Variants in SUGCT observed in about 807,000 individuals in gnomAD.
The protein encoded by SUGCT is succinyl-CoA:glutarate-CoA transferase.
Under a neutral mutation model 55.0 loss-of-function variants are expected in SUGCT, and 41 were observed. That is an observed-to-expected ratio of 0.74 (90% confidence interval 0.58 to 0.97). SUGCT has a LOEUF of 0.97. Among genes scored for constraint, SUGCT ranks in the 50% least tolerant of loss-of-function variants. The pLI, the probability that SUGCT is intolerant of heterozygous loss-of-function variation, is 0.00. For synonymous variants in SUGCT, 187 were observed against 200.4 expected, an observed-to-expected ratio of 0.93 and a Z score of 0.56; for missense variants, 568 against 547.8, an observed-to-expected ratio of 1.04 and a Z score of -0.37.
At chr7:40,898,178 C>G in the SUGCT span, among the ~76,000 whole-genome samples, 1 of 152,118 alleles carries the variant, frequency 6.6e-6, no homozygotes, top group African/African-American at 2.4e-5. Context: ...GTCGGGAGGA[C>G]TGAACAACTC....
chr7:40,698,531 C>A (rs1456203482), intron 12 of SUGCT, among the ~76,000 whole-genome samples: 1 of 152,050 alleles, frequency 6.6e-6, no homozygotes, highest in Non-Finnish European at 1.5e-5. Flanking sequence ...CGACCACACC[C>A]TGTCATTTGC....
the SUGCT span, among the ~76,000 whole-genome samples, chr7:40,993,934 A>C: frequency 1.3e-5 from 2 of 152,218 alleles, no homozygotes; most frequent in Non-Finnish European, 2.9e-5. Flanking sequence ...ATAAAACACT[A>C]TTCAACTGTA....
intron 12 of SUGCT, among the ~76,000 whole-genome samples, chr7:40,589,672 G>T (rs1797606543): frequency 6.6e-6 from 1 of 152,156 alleles, no homozygotes; most frequent in Non-Finnish European, 1.5e-5. Flanking sequence ...TATATAGGGA[G>T]AGCAAAAGTA....
the SUGCT span, among the ~76,000 whole-genome samples, chr7:40,952,857 C>T: frequency 6.6e-6 from 1 of 152,272 alleles, no homozygotes; most frequent in South Asian, 2.1e-4. Context: ...TGTGGGTAAC[C>T]CAACCTTTCT....
In SUGCT at chr7:40,284,862, G is replaced by A. The variant is rs201834314; in HGVS notation, c.720+10206G>A. Among the ~76,000 whole-genome samples the A allele has an allele frequency of 2.6e-5, 4 of 152,150 alleles. No individual in the cohort carries two copies. In the East Asian group the frequency reaches 7.7e-4, roughly 29 times the overall value. Reference sequence around the variant, plus strand: ...CCAAAGAAGTAATGCTATTGGTTAGGTTAAATGCAAATTGACTTCAATACA... The same window carrying A: ...CCAAAGAAGTAATGCTATTGGTTAGATTAAATGCAAATTGACTTCAATACA... On this transcript the variant is annotated intron_variant, in intron 8 of 13. Coordinates refer to ENST00000335693, the MANE Select transcript of SUGCT (RefSeq NM_001193313.2).
In SUGCT at chr7:40,512,783, A is replaced by T. The variant is rs1241618941; in HGVS notation, c.1089+16397A>T. ...TGAAACTGCTGGGGAAATATGAGAA[A>T]CTCAGGTTGTATGCATGGCCAGAGG... On this transcript the variant is annotated intron_variant, in intron 12 of 13. Coordinates refer to ENST00000335693, the MANE Select transcript of SUGCT (RefSeq NM_001193313.2). Among the ~76,000 whole-genome samples, 9 of 151,980 alleles carry T rather than the reference A, an allele frequency of 5.9e-5. 1 individual carries two copies. The highest frequency in any genetic ancestry group is 5.2e-4 in the Admixed American group (8 of 15,258).
chr7:40,853,564 C>T (rs905584488), intron 13 of SUGCT, among the ~76,000 whole-genome samples: 1 of 152,062 alleles, frequency 6.6e-6, no homozygotes, highest in Non-Finnish European at 1.5e-5. Context: ...AGGATTTTAC[C>T]ATGTCGCCCA....
intron 11 of SUGCT, among the ~76,000 whole-genome samples, chr7:40,489,892 G>A (rs1791589668): frequency 6.6e-6 from 1 of 152,170 alleles, no homozygotes. Context: ...TGATGCCTGT[G>A]AATTGAAGGA....
chr7:40,893,984 C>T, the SUGCT span, among the ~76,000 whole-genome samples: 3 of 150,574 alleles, frequency 2.0e-5, no homozygotes, highest in African/African-American at 7.3e-5. Context: ...TCACTTATAC[C>T]TGGGAGGCAG....
At chr7:40,697,451 G>A (rs551773162) in intron 12 of SUGCT, among the ~76,000 whole-genome samples, 60 of 152,070 alleles carry the variant, frequency 3.9e-4, no homozygotes, top group African/African-American at 1.3e-3. Flanking sequence ...CCTGGCCAAC[G>A]TGGTGAAACC....
chr7:41,022,733 A>G, the SUGCT span, among the ~76,000 whole-genome samples: 1 of 152,216 alleles, frequency 6.6e-6, no homozygotes, highest in African/African-American at 2.4e-5. Flanking sequence ...ACTGTGCTAA[A>G]TATGCATTAT....
At chr7:40,565,338 G>T (rs1315019159) in intron 12 of SUGCT, among the ~76,000 whole-genome samples, 1 of 152,174 alleles carries the variant, frequency 6.6e-6, no homozygotes, top group Non-Finnish European at 1.5e-5. Flanking sequence ...ACTTGAAGTG[G>T]CTAAATTATT....
intron 9 of SUGCT, among the ~76,000 whole-genome samples, chr7:40,420,600 A>C (rs1395349349): frequency 6.6e-6 from 1 of 152,022 alleles, no homozygotes; most frequent in Non-Finnish European, 1.5e-5. Flanking sequence ...CGGCCTCCCA[A>C]AGTGCTGGGA....
the SUGCT span, among the ~76,000 whole-genome samples, chr7:40,946,818 A>G: frequency 5.3e-5 from 8 of 152,214 alleles, no homozygotes; most frequent in Middle Eastern, 3.4e-3. Flanking sequence ...AGCAATTAAT[A>G]CTATTGATTA....
intron 9 of SUGCT, among the ~76,000 whole-genome samples, chr7:40,344,774 T>G (rs749571913): frequency 3.3e-5 from 5 of 152,216 alleles, no homozygotes; most frequent in Non-Finnish European, 5.9e-5. Context: ...GAATTCTACT[T>G]TTATGATTTT....
chr7:40,209,732 G>T (rs1361244246), intron 6 of SUGCT, among the ~76,000 whole-genome samples: 1 of 152,086 alleles, frequency 6.6e-6, no homozygotes, highest in Non-Finnish European at 1.5e-5. Context: ...GGAGGCGGAG[G>T]TTACAGTGAG....
intron 11 of SUGCT, among the ~76,000 whole-genome samples, chr7:40,465,392 C>T (rs555091299): frequency 7.8e-4 from 118 of 152,050 alleles, no homozygotes; most frequent in African/African-American, 2.8e-3. Flanking sequence ...GGCAGATCAC[C>T]TGAGGTCAGG....
chr7:40,702,822 C>G (rs553294725), intron 12 of SUGCT, among the ~76,000 whole-genome samples: 1 of 152,136 alleles, frequency 6.6e-6, no homozygotes, highest in Non-Finnish European at 1.5e-5. Context: ...ATCCCATGGG[C>G]CCCTCACCTA....
intron 9 of SUGCT, among the ~76,000 whole-genome samples, chr7:40,440,145 GTTTTTTTTTTTTTTTT>G (rs138984553): frequency 9.8e-4 from 67 of 68,456 alleles, no homozygotes; most frequent in Non-Finnish European, 1.3e-3. Flanking sequence ...GTGTGTGTGT[GTTTTTTTTTTTTTTTT>G]TTTTTTTTTT....
Sources: allele counts gnomAD v4.1 joint callset (sites outside exome capture counted in the v4.1 genomes callset), GRCh38; gene constraint gnomAD v4.1.1; transcripts MANE v1.5; gene names NCBI Gene and HGNC (gene_info 2026-07-23, HGNC 2026-07-21).